The following DACH2 variants were observed in gnomAD, a reference collection of about 807,000 sequenced individuals.
DACH2 encodes dachshund homolog 2.
In DACH2, 17 loss-of-function variants were observed where a neutral mutation model predicts 35.8. The observed-to-expected ratio is 0.48, with a 90% confidence interval of 0.33 to 0.71. The LOEUF is 0.71. Among genes scored for constraint, DACH2 ranks in the 30% least tolerant of loss-of-function variants. The probability of loss-of-function intolerance (pLI) is 0.02; values close to 1 mark genes in which losing one functional copy is unlikely to be tolerated. For missense variants in DACH2, 469 were observed against 472.7 expected (o/e 0.99, Z 0.07); for synonymous variants, 195 against 177.3 (o/e 1.10, Z -0.79).
At chrX:86,418,445 T>C (rs1283167264) in intron 2 of DACH2, among the ~76,000 whole-genome samples, 1 of 112,187 alleles carries the variant, frequency 8.9e-6, no homozygotes, top group African/African-American at 3.2e-5. Flanking sequence ...GGCGGAGGTT[T>C]TCAAACCTTA....
At chrX:86,306,025 G>GA in intron 1 of DACH2, among the ~76,000 whole-genome samples, 1 of 111,991 alleles carries the variant, frequency 8.9e-6, no homozygotes, top group Non-Finnish European at 1.9e-5. Flanking sequence ...AGTCATATGG[G>GA]AAATACTATG....
chrX:86,284,369 C>T (rs1052689190), intron 1 of DACH2, among the ~76,000 whole-genome samples: 2 of 111,476 alleles, frequency 1.8e-5, no homozygotes, highest in African/African-American at 3.3e-5. Context: ...TTCTTCATTC[C>T]GTTGATATGA....
chrX:86,511,600 C>T (rs756393983), intron 2 of DACH2, among the ~76,000 whole-genome samples: 1 of 111,537 alleles, frequency 9.0e-6, no homozygotes, highest in African/African-American at 3.2e-5. Context: ...AAAATCAAAC[C>T]AAAATCTTTG....
chrX:86,445,616 A>C (rs917654860), intron 2 of DACH2, among the ~76,000 whole-genome samples: 1 of 106,067 alleles, frequency 9.4e-6, no homozygotes, highest in Non-Finnish European at 1.9e-5. Context: ...TTCTTAATTA[A>C]ACTTTTGGTT....
At chrX:86,462,754 A>G (rs184495458) in intron 2 of DACH2, among the ~76,000 whole-genome samples, 6 of 111,605 alleles carry the variant, frequency 5.4e-5, no homozygotes, top group East Asian at 5.6e-4. Flanking sequence ...ATCCTCAAGT[A>G]TACAAATTTC....
At chrX:86,269,401 A>G (rs1183792955) in intron 1 of DACH2, among the ~76,000 whole-genome samples, 1 of 111,758 alleles carries the variant, frequency 8.9e-6, no homozygotes, top group Admixed American at 9.6e-5. Context: ...GAACCTGTTG[A>G]TGACAACTTT....
intron 2 of DACH2, among the ~76,000 whole-genome samples, chrX:86,471,919 A>G (rs1569413626): frequency 8.9e-6 from 1 of 111,980 alleles, no homozygotes; most frequent in Non-Finnish European, 1.9e-5. Context: ...CATGTGATGT[A>G]ATACCTATGT....
intron 4 of DACH2, among the ~76,000 whole-genome samples, chrX:86,654,365 G>C (rs2148409306): frequency 9.1e-6 from 1 of 110,194 alleles, no homozygotes; most frequent in African/African-American, 3.3e-5. Context: ...ATTTTGCAGG[G>C]AAATGGGAAG....
intron 3 of DACH2, among the ~76,000 whole-genome samples, chrX:86,631,788 A>T (rs963076386): frequency 9.9e-5 from 11 of 111,541 alleles, no homozygotes; most frequent in Non-Finnish European, 1.9e-4. Context: ...AAAGTTACCA[A>T]ACTTTTTTGG....
intron 3 of DACH2, among the ~76,000 whole-genome samples, chrX:86,582,670 T>C (rs2039516338): frequency 9.1e-6 from 1 of 110,228 alleles, no homozygotes; most frequent in Non-Finnish European, 1.9e-5. Context: ...AGGAAGAAAT[T>C]GAATCTCCTA....
intron 7 of DACH2, among the ~76,000 whole-genome samples, chrX:86,795,235 T>TC (rs1247596708): frequency 9.8e-6 from 1 of 102,479 alleles, no homozygotes; most frequent in Non-Finnish European, 2.0e-5. Flanking sequence ...GCATGTTCTT[T>TC]TTTTTTTTTT....
intron 1 of DACH2, among the ~76,000 whole-genome samples, chrX:86,242,249 C>A (rs2033181017): frequency 1.8e-5 from 2 of 112,505 alleles, no homozygotes; most frequent in Non-Finnish European, 3.8e-5. Context: ...TGCAAAGCTA[C>A]AGGGGTGGGG....
At chrX:86,478,536 G>C (rs868684686) in intron 2 of DACH2, among the ~76,000 whole-genome samples, 1 of 90,008 alleles carries the variant, frequency 1.1e-5, no homozygotes, top group African/African-American at 4.0e-5. Context: ...TTTCTTTTTT[G>C]TTTTTCTTTT....
intron 2 of DACH2, among the ~76,000 whole-genome samples, chrX:86,379,271 A>G (rs190173105): frequency 1.8e-5 from 2 of 111,363 alleles, no homozygotes; most frequent in Non-Finnish European, 3.8e-5. Context: ...TGAACTTTTG[A>G]TAGGCATTGG....
intron 3 of DACH2, among the ~76,000 whole-genome samples, chrX:86,556,759 TATATATA>T (rs1339046301): frequency 3.0e-3 from 27 of 9,064 alleles, no homozygotes; most frequent in South Asian, 0.011. Flanking sequence ...AGGATATGTA[TATATATA>T]TATATATATA....
chrX:86,475,305 T>C (rs1602561287), intron 2 of DACH2, among the ~76,000 whole-genome samples: 1 of 111,578 alleles, frequency 9.0e-6, no homozygotes, highest in East Asian at 2.8e-4. Context: ...TTGAACAATA[T>C]TGATTATTTC....
At chrX:86,404,849 A>T (rs965937548) in intron 2 of DACH2, among the ~76,000 whole-genome samples, 26 of 112,181 alleles carry the variant, frequency 2.3e-4, no homozygotes, top group African/African-American at 7.1e-4. Flanking sequence ...ATATCCAGGC[A>T]TTTCCTTACA....
intron 5 of DACH2, among the ~76,000 whole-genome samples, chrX:86,711,705 T>A (rs1017158711): frequency 8.9e-6 from 1 of 112,274 alleles, no homozygotes; most frequent in Admixed American, 9.5e-5. Flanking sequence ...ACTGTTAAAC[T>A]GGCCTGTTAT....
intron 2 of DACH2, among the ~76,000 whole-genome samples, chrX:86,411,036 A>ATATATATATATATATATATATATATG (rs768655432): frequency 0.023 from 1,811 of 79,610 alleles, 89 homozygotes; most frequent in Non-Finnish European, 0.037. Context: ...ATATATATAT[A>ATATATATATATATATATATATATATG]TATGTATATA....
Sources: gnomAD v4.1 joint callset for allele counts (sites outside exome capture counted in the v4.1 genomes callset) on GRCh38, gnomAD v4.1.1 for gene constraint, MANE v1.5 for transcripts, NCBI Gene and HGNC (gene_info 2026-07-23, HGNC 2026-07-21) for gene names.